VAPA: variants seen among roughly 807,000 people sequenced by gnomAD.
The protein encoded by VAPA is VAMP associated protein A.
Under a neutral mutation model 25.6 loss-of-function variants are expected in VAPA, and 6 were observed. That is an observed-to-expected ratio of 0.23 (90% confidence interval 0.13 to 0.46). The LOEUF (loss-of-function observed/expected upper bound fraction) is 0.46, where lower values mean the gene tolerates loss of function less well. Among genes scored for constraint, VAPA ranks in the 20% least tolerant of loss-of-function variants. VAPA has a pLI of 0.99. For synonymous variants in VAPA, 112 were observed against 106.2 expected (o/e 1.05, Z -0.34); for missense variants, 244 against 302.1 (o/e 0.81, Z 1.43).
At chr18:9,942,484 G>A (rs1358388238) in intron 4 of VAPA, among the ~76,000 whole-genome samples, 1 of 151,874 alleles carries the variant, frequency 6.6e-6, no homozygotes, top group Non-Finnish European at 1.5e-5. Context: ...CCCCCTTCCT[G>A]TATCTCTTTG....
Position 9,954,288 on chromosome 18 carries a change from T to TGAAA in VAPA, c.*77_*78insGAAA. 3.7e-6 allele frequency: 5 copies of TGAAA among 1,348,278 alleles called. No individual in the cohort carries two copies. The highest frequency in any genetic ancestry group is 1.3e-5 in the South Asian group (1 of 74,548). 83.5% of individuals were successfully genotyped at this position (1,348,278 alleles called of 1,614,324 possible). ...AAAGATTTGTTTACCTACCATTTCATTGGTAGTATGGCCCACGGTGACCAT... is the reference window on the plus strand; with the variant it reads ...AAAGATTTGTTTACCTACCATTTCATGAAATGGTAGTATGGCCCACGGTGACCAT... On this transcript the variant is annotated 3_prime_UTR_variant, in exon 6 of 6. Coordinates refer to ENST00000400000, the MANE Select transcript of VAPA (RefSeq NM_194434.3).
chr18:9,948,836 A>C (rs960441420), intron 4 of VAPA: 90 of 152,454 alleles, frequency 5.9e-4, no homozygotes, highest in African/African-American at 2.1e-3. Flanking sequence ...AAGTGTTGGG[A>C]TTACAGACAT....
intron 4 of VAPA, chr18:9,949,535 T>A (rs976806562): frequency 6.6e-6 from 1 of 152,182 alleles, no homozygotes; most frequent in African/African-American, 2.4e-5. Context: ...TAAAGTTGAT[T>A]TAGTAAATGT....
At position 9,934,375 on chromosome 18, in the gene VAPA, C is replaced by T. The variant is rs770248374; in HGVS notation, c.233-1735C>T. Among the ~76,000 whole-genome samples the T allele has an allele frequency of 2.0e-4, 30 of 152,148 alleles. 1 individual carries two copies. Among genetic ancestry groups the T allele is most frequent in the Admixed American group, 1.8e-3 (28 of 15,278 alleles). On this transcript the variant is annotated intron_variant, in intron 2 of 5. Coordinates refer to ENST00000400000, the MANE Select transcript of VAPA (RefSeq NM_194434.3). ...ATGTTGTAAGTTTTCGTTTTATTCACAAATTTTTGGTTCATAGTGATTAGC... is the reference window on the plus strand; with the variant it reads ...ATGTTGTAAGTTTTCGTTTTATTCATAAATTTTTGGTTCATAGTGATTAGC...
chr18:9,922,651 G>A (rs2069167079), intron 1 of VAPA, among the ~76,000 whole-genome samples: 1 of 151,984 alleles, frequency 6.6e-6, no homozygotes, highest in Non-Finnish European at 1.5e-5. Context: ...AGACCTTCAA[G>A]GTCATATGGA....
intron 1 of VAPA, among the ~76,000 whole-genome samples, chr18:9,923,626 C>T (rs2069175267): frequency 5.1e-4 from 1 of 1,974 alleles, no homozygotes; most frequent in Non-Finnish European, 3.6e-3. Flanking sequence ...TTAAATCATA[C>T]AGTGTTTCCT....
At chr18:9,948,852 A>G (rs2069455291) in intron 4 of VAPA, 1 of 152,276 alleles carries the variant, frequency 6.6e-6, no homozygotes, top group South Asian at 2.1e-4. Context: ...GACATCAGAC[A>G]TGGTGCCCTG....
chr18:9,947,759 C>G (rs1299071106), intron 4 of VAPA: 2 of 152,122 alleles, frequency 1.3e-5, no homozygotes, highest in Non-Finnish European at 2.9e-5. Flanking sequence ...TGGAGCCAAA[C>G]CTCACTAATA....
intron 2 of VAPA, among the ~76,000 whole-genome samples, chr18:9,932,265 A>AT (rs2069263053): frequency 1.3e-5 from 2 of 152,066 alleles, no homozygotes; most frequent in Non-Finnish European, 2.9e-5. Flanking sequence ...AAATTATATC[A>AT]TTTTTCTGAT....
chr18:9,944,208 G>A (rs1448039461), intron 4 of VAPA, among the ~76,000 whole-genome samples: 1 of 152,022 alleles, frequency 6.6e-6, no homozygotes, highest in African/African-American at 2.4e-5. Flanking sequence ...AGACTGAGGG[G>A]CTGTAAAGAA....
chr18:9,930,487 T>A (rs75825905), intron 1 of VAPA, among the ~76,000 whole-genome samples: 2,006 of 152,240 alleles, frequency 0.013, 54 homozygotes, highest in African/African-American at 0.044. Context: ...TGGATTCATG[T>A]AGTGAAATGG....
rs150454916 is a variant in VAPA, at chr18:9,918,948, G to T, written c.79+4613G>T. Among the ~76,000 whole-genome samples, 8 of 152,230 alleles carry T rather than the reference G, an allele frequency of 5.3e-5. No homozygotes were observed. The East Asian group carries it at 1.5e-3, about 29-fold the overall frequency. On this transcript the variant is annotated intron_variant, in intron 1 of 5. Coordinates refer to ENST00000400000, the MANE Select transcript of VAPA (RefSeq NM_194434.3). ...GTCTTGCTCAGTTGCTCAACCTGGAGTGCAGTGGCATGCACGTTCTTGGCT... is the reference window on the plus strand; with the variant it reads ...GTCTTGCTCAGTTGCTCAACCTGGATTGCAGTGGCATGCACGTTCTTGGCT...
intron 1 of VAPA, among the ~76,000 whole-genome samples, chr18:9,931,294 A>G (rs551567083): frequency 5.3e-5 from 8 of 152,374 alleles, no homozygotes; most frequent in African/African-American, 1.9e-4. Flanking sequence ...TATCTAGAGC[A>G]TATGGCATAA....
chr18:9,952,548 G>A (rs1432717155), intron 5 of VAPA, among the ~76,000 whole-genome samples: 5 of 143,244 alleles, frequency 3.5e-5, no homozygotes, highest in South Asian at 2.2e-4. Flanking sequence ...CCTGGGTGAC[G>A]AGCAAAACAT....
chr18:9,959,792 C>T lies in VAPA; in HGVS notation c.*5581C>T, dbSNP rs1329103817. 1 of 145,454 alleles carries T rather than the reference C, an allele frequency of 6.9e-6. No individual in the cohort carries two copies. Among genetic ancestry groups the T allele is most frequent in the Non-Finnish European group, 1.5e-5 (1 of 67,134 alleles). 9.0% of individuals were successfully genotyped at this position (145,454 alleles called of 1,614,324 possible). A position where few individuals can be genotyped will look rare whatever the true frequency, so the allele number is the denominator to read the frequency against. ...AAGGAATTGGAATCTTTTGTATTTT[C>T]GAGCAATAAGAATTCCTATTCTTGT... On this transcript the variant is annotated 3_prime_UTR_variant, in exon 6 of 6. Transcript: ENST00000400000.
chr18:9,935,968 G>T, intron 2 of VAPA, 142 bp from the exon 3 acceptor site: 1 of 458,106 alleles, frequency 2.2e-6, no homozygotes, highest in Admixed American at 4.4e-5. Context: ...TTGCATATTT[G>T]TGAAGTAGTA....
At chr18:9,944,463 A>T (rs907174047) in intron 4 of VAPA, among the ~76,000 whole-genome samples, 3 of 152,174 alleles carry the variant, frequency 2.0e-5, no homozygotes, top group African/African-American at 4.8e-5. Flanking sequence ...GATGTGTGTG[A>T]GAGAGTGAGT....
intron 2 of VAPA, among the ~76,000 whole-genome samples, chr18:9,935,819 G>C (rs1032869510): frequency 2.6e-5 from 4 of 152,154 alleles, no homozygotes; most frequent in Non-Finnish European, 4.4e-5. Context: ...ATTTTTAATT[G>C]TAATTGTTTA....
At chr18:9,920,341 C>T (rs2069145997) in intron 1 of VAPA, among the ~76,000 whole-genome samples, 1 of 151,916 alleles carries the variant, frequency 6.6e-6, no homozygotes, top group Non-Finnish European at 1.5e-5. Context: ...CTCGCTTTGT[C>T]ACCCATGGTG....
Sources: allele counts gnomAD v4.1 joint callset (sites outside exome capture counted in the v4.1 genomes callset), GRCh38; gene constraint gnomAD v4.1.1; transcripts MANE v1.5; gene names NCBI Gene and HGNC (gene_info 2026-07-23, HGNC 2026-07-21).